GRIK5: variants seen among roughly 807,000 people sequenced by gnomAD.
GRIK5 encodes the protein glutamate receptor ionotropic, kainate 5.
A neutral mutation model predicts 97.4 loss-of-function variants in GRIK5; 43 were observed. The ratio of observed to expected loss-of-function variants is 0.44; its 90% CI spans 0.35 to 0.57. GRIK5 has a LOEUF of 0.57. GRIK5 is among the 20% of genes least tolerant of loss of function. GRIK5 has a pLI of 0.01. For synonymous variants in GRIK5, 580 were observed against 583.5 expected, an observed-to-expected ratio of 0.99 and a Z score of 0.09; for missense variants, 1,015 against 1,382.0, an observed-to-expected ratio of 0.73 and a Z score of 4.21.
rs1274512205 is a variant in GRIK5, at chr19:42,049,708, GAAGT to G, written c.1269+3890_1269+3893del. Among the ~76,000 whole-genome samples, 6 of 152,280 alleles carry G rather than the reference GAAGT, an allele frequency of 3.9e-5. No homozygotes were observed. In the East Asian group the frequency reaches 5.8e-4, roughly 15 times the overall value. ...TGTTCAGTTTTTGAAACTTCAGTGAGAAGTAACACGATTTGTGCACATTTCTGTA... is the reference window on the plus strand; with the variant it reads ...TGTTCAGTTTTTGAAACTTCAGTGAGAACACGATTTGTGCACATTTCTGTA... On this transcript the variant is annotated intron_variant, in intron 11 of 19. Coordinates refer to ENST00000593562, the MANE Select transcript of GRIK5 (RefSeq NM_002088.5).
intron 12 of GRIK5, among the ~76,000 whole-genome samples, chr19:42,037,149 G>A (rs1265309586): frequency 2.6e-5 from 4 of 152,288 alleles, no homozygotes; most frequent in South Asian, 4.1e-4. Context: ...GTGCAAATGC[G>A]CTCTCATTTA....
intron 15 of GRIK5, among the ~76,000 whole-genome samples, chr19:42,019,506 C>T (rs2146044374): frequency 6.6e-6 from 1 of 152,310 alleles, no homozygotes; most frequent in Non-Finnish European, 1.5e-5. Context: ...AGGCCCCGCC[C>T]ACCAGCACCA....
At chr19:42,061,324 G>C (rs977278561) in intron 5 of GRIK5, among the ~76,000 whole-genome samples, 1 of 151,888 alleles carries the variant, frequency 6.6e-6, no homozygotes, top group African/African-American at 2.4e-5. Context: ...GATTACAGGC[G>C]TGAGCCATCG....
At position 42,035,665 on chromosome 19, in the gene GRIK5, G is replaced by A. The variant is rs1443357407; in HGVS notation, c.1473+6887C>T. On this transcript the variant is annotated intron_variant, in intron 12 of 19. Coordinates refer to ENST00000593562, the MANE Select transcript of GRIK5 (RefSeq NM_002088.5). ...GTGGAGGTTGCAGTGAGCCAAGATC[G>A]TGCCACTGCACGCCAGCCTGGGGAA... Among the ~76,000 whole-genome samples the A allele has an allele frequency of 3.9e-5, 6 of 152,240 alleles. 1 individual carries two copies. The highest frequency in any genetic ancestry group is 9.6e-5 in the African/African-American group (4 of 41,542).
intron 8 of GRIK5, among the ~76,000 whole-genome samples, chr19:42,055,557 C>T (rs1243508742): frequency 6.6e-6 from 1 of 152,206 alleles, no homozygotes; most frequent in Non-Finnish European, 1.5e-5. Flanking sequence ...ATGGAACTTA[C>T]AGTCCTCAAA....
At chr19:42,052,379 C>T (rs2076128287) in intron 11 of GRIK5, among the ~76,000 whole-genome samples, 2 of 152,066 alleles carry the variant, frequency 1.3e-5, no homozygotes, top group African/African-American at 4.8e-5. Flanking sequence ...CTAGCCAAGC[C>T]CCCAGGGCTC....
intron 1 of GRIK5, among the ~76,000 whole-genome samples, chr19:42,067,909 C>T (rs549425442): frequency 1.3e-5 from 2 of 152,260 alleles, no homozygotes; most frequent in African/African-American, 4.8e-5. Flanking sequence ...CAAAACCCAG[C>T]AGAGAGCTGA....
intron 15 of GRIK5, among the ~76,000 whole-genome samples, chr19:42,018,217 G>C (rs1289406278): frequency 2.0e-5 from 3 of 150,476 alleles, no homozygotes; most frequent in East Asian, 3.9e-4. Flanking sequence ...CCAGCTACTC[G>C]GGAAGCTGAG....
Position 42,003,106 on chromosome 19 carries a change from T to C in GRIK5, c.2514+226A>G, listed in dbSNP as rs781969168. On this transcript the variant is annotated intron_variant, in intron 19 of 19. Transcript: ENST00000593562. The surrounding 1 kb of genome is among the most constrained non-coding windows in gnomAD (Gnocchi z 4.2). Reference sequence around the variant, plus strand: ...CCCACATCCTGTCCCTCACCTCCTCTCCCTGCATCCTCATTGCTCCCTGTG... The same window carrying C: ...CCCACATCCTGTCCCTCACCTCCTCCCCCTGCATCCTCATTGCTCCCTGTG... Among the ~76,000 whole-genome samples, 7 of 152,018 alleles carry C rather than the reference T, an allele frequency of 4.6e-5. No individual in the cohort carries two copies. Among genetic ancestry groups the C allele is most frequent in the Non-Finnish European group, 4.4e-5 (3 of 67,998 alleles).
chr19:42,026,594 G>A (rs1322236768), intron 12 of GRIK5, among the ~76,000 whole-genome samples: 1 of 147,698 alleles, frequency 6.8e-6, no homozygotes, highest in East Asian at 2.0e-4. Flanking sequence ...TTTGGAGACG[G>A]AGTCTCACTT....
In GRIK5 at chr19:42,021,761, C is replaced by A. The variant is rs1322253210; in HGVS notation, c.1697+186G>T. Among the ~76,000 whole-genome samples the A allele has an allele frequency of 6.6e-6, 1 of 152,034 alleles. No homozygotes were observed. The highest frequency in any genetic ancestry group is 2.1e-4 in the South Asian group (1 of 4,818). On this transcript the variant is annotated intron_variant, in intron 14 of 19. Transcript: ENST00000593562. This position sits in a 1 kb window ranked among gnomAD's most constrained non-coding sequence, Gnocchi z 4.2. Reference sequence around the variant, plus strand: ...TGAACAGAGAACCACAGAGCACAGTCAGAGCCACAAGGGGAAGAATGAGAC... The same window carrying A: ...TGAACAGAGAACCACAGAGCACAGTAAGAGCCACAAGGGGAAGAATGAGAC...
Position 41,998,788 on chromosome 19 carries a change from G to A in GRIK5, c.*83C>T, listed in dbSNP as rs2075401318. On this transcript the variant is annotated 3_prime_UTR_variant, in exon 20 of 20. Coordinates refer to ENST00000593562, the MANE Select transcript of GRIK5 (RefSeq NM_002088.5). ...GGCGCACAAGTCCTGTCCCGCGCCC[G>A]CTGCGGGAGCGGAGACTGCTGGGGC... 11 of 698,344 alleles carry A rather than the reference G, an allele frequency of 1.6e-5. No homozygotes were observed. The South Asian group carries it at 6.0e-4, about 38-fold the overall frequency. 43.3% of individuals were successfully genotyped at this position (698,344 alleles called of 1,614,324 possible).
At chr19:42,019,130 T>C (rs1188220396) in intron 15 of GRIK5, among the ~76,000 whole-genome samples, 2 of 152,098 alleles carry the variant, frequency 1.3e-5, no homozygotes, top group East Asian at 3.9e-4. Context: ...AGAGGGCCCC[T>C]GGCTGGGCGG....
intron 11 of GRIK5, among the ~76,000 whole-genome samples, chr19:42,045,041 T>G (rs1267705207): frequency 1.3e-5 from 2 of 152,252 alleles, no homozygotes; most frequent in Non-Finnish European, 2.9e-5. Flanking sequence ...GACCTTACAC[T>G]GAAATGGGCA....
chr19:42,055,946 G>T (rs1040527003), intron 8 of GRIK5, among the ~76,000 whole-genome samples: 1 of 151,120 alleles, frequency 6.6e-6, no homozygotes, highest in Non-Finnish European at 1.5e-5. Flanking sequence ...GCCTCCCAAA[G>T]TGCTGGGATT....
chr19:42,064,425 C>G (rs1250905111), intron 3 of GRIK5, among the ~76,000 whole-genome samples: 3 of 152,122 alleles, frequency 2.0e-5, no homozygotes, highest in Non-Finnish European at 4.4e-5. Context: ...CCCCATACCC[C>G]CCCATTTCTT....
intron 15 of GRIK5, among the ~76,000 whole-genome samples, chr19:42,010,717 T>C (rs996514890): frequency 6.6e-6 from 1 of 152,216 alleles, no homozygotes; most frequent in African/African-American, 2.4e-5. Flanking sequence ...GAAACGTGGA[T>C]GTACCAGAAG....
chr19:42,011,435 C>T (rs1022449444), intron 15 of GRIK5, among the ~76,000 whole-genome samples: 4 of 151,912 alleles, frequency 2.6e-5, no homozygotes, highest in Middle Eastern at 3.4e-3. Flanking sequence ...CGCCTGTGGT[C>T]CCAGCTACTC....
chr19:42,049,043 A>C (rs1190345800), intron 11 of GRIK5, among the ~76,000 whole-genome samples: 1 of 152,152 alleles, frequency 6.6e-6, no homozygotes, highest in Non-Finnish European at 1.5e-5. Flanking sequence ...CCTCTCTCAA[A>C]AAACAAAAAC....
Sources: allele counts gnomAD v4.1 joint callset (sites outside exome capture counted in the v4.1 genomes callset), GRCh38; gene constraint gnomAD v4.1.1; non-coding constraint Gnocchi (gnomAD v3.1); transcripts MANE v1.5; gene names NCBI Gene and HGNC (gene_info 2026-07-23, HGNC 2026-07-21).